LMO7: variants seen among roughly 807,000 people sequenced by gnomAD.
LMO7 encodes the protein LIM domain 7, also known as LIM domain only protein 7.
Under a neutral mutation model 206.5 loss-of-function variants are expected in LMO7, and 120 were observed. The ratio of observed to expected loss-of-function variants is 0.58; its 90% confidence interval spans 0.50 to 0.68. The LOEUF is 0.68. LMO7 is among the 30% of genes least tolerant of loss of function. The probability of loss-of-function intolerance (pLI) is 0.00; values close to 1 mark genes in which losing one functional copy is unlikely to be tolerated. For missense variants in LMO7, 1,959 were observed against 1,957.9 expected, an observed-to-expected ratio of 1.00 and a Z score of -0.01; for synonymous variants, 706 against 681.5, an observed-to-expected ratio of 1.04 and a Z score of -0.56.
At chr13:75,829,659 G>T (rs1023454947) in intron 15 of LMO7, among the ~76,000 whole-genome samples, 1 of 151,704 alleles carries the variant, frequency 6.6e-6, no homozygotes, top group African/African-American at 2.4e-5. Flanking sequence ...GAAAAAATTC[G>T]AGGAGTGTAG....
In LMO7 at chr13:75,856,696, CCT is replaced by C. The variant is rs2060990788; in HGVS notation, c.4873+90_4873+91del. 2.5e-5 allele frequency: 19 copies of C among 773,582 alleles called. No individual in the cohort carries two copies. The South Asian group carries it at 2.6e-4, about 11-fold the overall frequency. The allele number at this position is 773,582 out of a possible 1,614,324, so 47.9% of individuals were successfully genotyped here. A position where few individuals can be genotyped will look rare whatever the true frequency, so the allele number is the denominator to read the frequency against. On this transcript the variant is annotated intron_variant, in intron 30 of 30. Coordinates refer to ENST00000377534, the MANE Select transcript of LMO7 (RefSeq NM_001306080.2). ...TTTCCCTGAACCTGCAGCGAGCTCC[CCT>C]CCAAGTTCACTGCCATAGGATTCCA...
Position 75,841,758 on chromosome 13 carries a change from A to C in LMO7, c.3806A>C (p.Glu1269Ala). 1 of 1,614,044 alleles carries C rather than the reference A, an allele frequency of 6.2e-7. No homozygotes were observed. The highest frequency in any genetic ancestry group is 8.5e-7 in the Non-Finnish European group (1 of 1,179,988). The change falls in exon 24 of 31, where the codon GAG becomes GCG. Residue 1269 changes from glutamate (E) to alanine (A), a missense_variant. By Grantham distance (107) the Glu-to-Ala change is moderately radical. Coordinates refer to ENST00000377534, the MANE Select transcript of LMO7 (RefSeq NM_001306080.2). ...GAAGGAACCCGAGCAGGAGAAGAGG[A>C]GAGGAGACAGCCACAAGAGGAAGTT... ...DREGTRAGEEERRQPQEEVVH... is the reference protein window; with the variant it reads ...DREGTRAGEEARRQPQEEVVH...
chr13:75,805,939 G>C (rs1354441632), intron 9 of LMO7, 179 bp downstream of exon 9: 9 of 1,122,728 alleles, frequency 8.0e-6, no homozygotes, highest in Non-Finnish European at 1.1e-5. Flanking sequence ...TGAGGATCTA[G>C]ATCTTAAAAA....
At chr13:75,841,503 G>A (rs1424647327) in intron 23 of LMO7, 125 bp from the exon 24 acceptor site, 1 of 697,118 alleles carries the variant, frequency 1.4e-6, no homozygotes, top group Non-Finnish European at 2.4e-6. Flanking sequence ...CTCTTAACAT[G>A]TTTTTTGAGT....
At chr13:75,721,612 C>T in intron 2 of LMO7, among the ~76,000 whole-genome samples, 1 of 152,136 alleles carries the variant, frequency 6.6e-6, no homozygotes. Flanking sequence ...AATGATCTCC[C>T]ATTCTGTCCA....
At chr13:75,717,747 G>A (rs1283248701) in intron 2 of LMO7, among the ~76,000 whole-genome samples, 4 of 152,140 alleles carry the variant, frequency 2.6e-5, no homozygotes, top group African/African-American at 9.7e-5. Context: ...ATGGAGTGCC[G>A]GTGACATGGG....
intron 5 of LMO7, among the ~76,000 whole-genome samples, 180 bp from the exon 6 acceptor site, chr13:75,796,456 A>C (rs1248411954): frequency 6.6e-6 from 1 of 152,216 alleles, no homozygotes; most frequent in East Asian, 1.9e-4. Context: ...AGGAAAATTT[A>C]GCAAGAAAAG....
chr13:75,759,424 T>G (rs1240186940), intron 3 of LMO7, among the ~76,000 whole-genome samples: 1 of 152,216 alleles, frequency 6.6e-6, no homozygotes, highest in Non-Finnish European at 1.5e-5. Flanking sequence ...ACTATGGGCC[T>G]AACAAAATTA....
At chr13:75,733,100 C>T (rs2045429857) in intron 3 of LMO7, among the ~76,000 whole-genome samples, 1 of 152,234 alleles carries the variant, frequency 6.6e-6, no homozygotes, top group African/African-American at 2.4e-5. Context: ...AGGAGGCAGT[C>T]TCCCCGTTCT....
intron 2 of LMO7, among the ~76,000 whole-genome samples, chr13:75,721,835 C>T (rs921309413): frequency 2.6e-5 from 4 of 152,104 alleles, no homozygotes; most frequent in Admixed American, 6.6e-5. Flanking sequence ...ATTGTTTAAA[C>T]AAAAATCATT....
intron 15 of LMO7, among the ~76,000 whole-genome samples, chr13:75,831,200 A>C (rs1195846241): frequency 6.6e-6 from 1 of 152,160 alleles, no homozygotes; most frequent in Non-Finnish European, 1.5e-5. Flanking sequence ...TCCACATTTA[A>C]ACTGCTTTAC....
chr13:75,797,613 C>T (rs921838856), intron 6 of LMO7, among the ~76,000 whole-genome samples: 5 of 152,154 alleles, frequency 3.3e-5, no homozygotes, highest in African/African-American at 1.2e-4. Flanking sequence ...GCCTCTAGCA[C>T]ATTGTAAGGT....
At chr13:75,763,176 C>G (rs184502270) in intron 4 of LMO7, among the ~76,000 whole-genome samples, 1 of 152,072 alleles carries the variant, frequency 6.6e-6, no homozygotes, top group Non-Finnish European at 1.5e-5. Flanking sequence ...TGGCCACTTC[C>G]GGAGATACTT....
In LMO7 at chr13:75,853,634, G is replaced by A. The variant is rs147740300; in HGVS notation, c.4661+246G>A. ...TTGAAGGTGTCTACTTGTTGCCATC[G>A]TCTCATTTGCCTGTGTTTGTGGTCA... On this transcript the variant is annotated intron_variant, in intron 28 of 30. Coordinates refer to ENST00000377534, the MANE Select transcript of LMO7 (RefSeq NM_001306080.2). Among the ~76,000 whole-genome samples, 33 of 152,256 alleles carry A rather than the reference G, an allele frequency of 2.2e-4. No homozygotes were observed. The East Asian group carries it at 4.6e-3, about 21-fold the overall frequency.
At chr13:75,769,046 A>G (rs1188642034) in intron 4 of LMO7, among the ~76,000 whole-genome samples, 1 of 152,144 alleles carries the variant, frequency 6.6e-6, no homozygotes, top group Non-Finnish European at 1.5e-5. Context: ...CTTGTGTACA[A>G]TGAAATGTCA....
chr13:75,743,551 G>C (rs1326192221), intron 3 of LMO7, among the ~76,000 whole-genome samples: 2 of 152,138 alleles, frequency 1.3e-5, no homozygotes, highest in East Asian at 1.9e-4. Context: ...CCTTTGCAGG[G>C]ACATGAGTGG....
intron 1 of LMO7, among the ~76,000 whole-genome samples, chr13:75,690,768 T>TCCAA (rs2041402378): frequency 6.6e-6 from 1 of 152,214 alleles, no homozygotes; most frequent in Admixed American, 6.5e-5. Context: ...TAAGGTGTGG[T>TCCAA]TTTCAATAAA....
intron 2 of LMO7, among the ~76,000 whole-genome samples, chr13:75,716,635 T>A (rs2043555337): frequency 6.6e-6 from 1 of 152,176 alleles, no homozygotes; most frequent in South Asian, 2.1e-4. Flanking sequence ...ATGAATTTTA[T>A]TAATAGTGTT....
intron 4 of LMO7, among the ~76,000 whole-genome samples, chr13:75,770,208 G>T (rs1032628516): frequency 1.3e-5 from 2 of 151,216 alleles, no homozygotes; most frequent in African/African-American, 4.9e-5. Flanking sequence ...GAAGGGGCCT[G>T]GTCCATGTCC....
Sources: gnomAD v4.1 joint callset for allele counts (sites outside exome capture counted in the v4.1 genomes callset) on GRCh38, gnomAD v4.1.1 for gene constraint, MANE v1.5 for transcripts, NCBI Gene and HGNC (gene_info 2026-07-23, HGNC 2026-07-21) for gene names.